DNAAF4: variants seen among roughly 807,000 people sequenced by gnomAD.
DNAAF4 encodes dynein assembly factor 4, axonemal.
DNAAF4 carries 43 observed loss-of-function variants against 51.8 expected under a neutral mutation model. The observed-to-expected ratio is 0.83, with a 90% CI of 0.65 to 1.07. The LOEUF is 1.07. Ranked by LOEUF, DNAAF4 falls within the 50% of genes least tolerant of loss-of-function variation. The pLI is 0.00. For missense variants in DNAAF4, 581 were observed against 493.0 expected (o/e 1.18, Z -1.69); for synonymous variants, 194 against 165.6 (o/e 1.17, Z -1.32).
chr15:55,502,043 C>G (rs1056779008), intron 1 of DNAAF4, among the ~76,000 whole-genome samples: 4 of 143,922 alleles, frequency 2.8e-5, no homozygotes, highest in African/African-American at 1.0e-4. Flanking sequence ...GACTCTGTCT[C>G]AAAAGAAAAA....
intron 8 of DNAAF4, among the ~76,000 whole-genome samples, chr15:55,433,755 TATAA>T (rs1321271312): frequency 1.6e-5 from 2 of 121,214 alleles, no homozygotes; most frequent in African/African-American, 3.1e-5. Context: ...GTTTTTTATA[TATAA>T]ATATATATAA....
intron 4 of DNAAF4, among the ~76,000 whole-genome samples, chr15:55,478,915 A>G (rs148275644): frequency 1.3e-5 from 2 of 152,204 alleles, no homozygotes; most frequent in East Asian, 1.9e-4. Context: ...AATATCTTCA[A>G]TGCAACCACC....
intron 7 of DNAAF4, among the ~76,000 whole-genome samples, chr15:55,421,983 T>TAA (rs1402050113): frequency 1.3e-5 from 2 of 150,560 alleles, no homozygotes; most frequent in Non-Finnish European, 3.0e-5. Context: ...AAGCTAGTCC[T>TAA]AATGGAGTTT....
intron 6 of DNAAF4, among the ~76,000 whole-genome samples, chr15:55,441,851 A>C (rs1314969747): frequency 6.6e-6 from 1 of 152,104 alleles, no homozygotes; most frequent in Non-Finnish European, 1.5e-5. Flanking sequence ...CAGACAACAG[A>C]TTTGAGGTAT....
chr15:55,449,658 C>T (rs191080922), intron 6 of DNAAF4, among the ~76,000 whole-genome samples: 6 of 149,578 alleles, frequency 4.0e-5, no homozygotes, highest in African/African-American at 1.5e-4. Context: ...AGAGCAAAAA[C>T]TCCATCTCTA....
downstream of DNAAF4, among the ~76,000 whole-genome samples, chr15:55,428,326 G>T (rs891337466): frequency 1.3e-5 from 2 of 152,016 alleles, no homozygotes; most frequent in African/African-American, 4.8e-5. Context: ...CAAGAAGGAG[G>T]TCGGCTTTGG....
chr15:55,425,561 A>G (rs751721742), downstream of DNAAF4, among the ~76,000 whole-genome samples: 11 of 128,818 alleles, frequency 8.5e-5, no homozygotes, highest in African/African-American at 2.3e-4. Context: ...TTTCCTTATT[A>G]TAAGTTACTG....
chr15:55,479,023 A>AG (rs2058372949), intron 4 of DNAAF4, among the ~76,000 whole-genome samples: 1 of 151,928 alleles, frequency 6.6e-6, no homozygotes, highest in Non-Finnish European at 1.5e-5. Context: ...AACCACCCTT[A>AG]GTTAAGGCTA....
At chr15:55,505,685 G>A (rs1480775642) in intron 1 of DNAAF4, among the ~76,000 whole-genome samples, 3 of 151,676 alleles carry the variant, frequency 2.0e-5, no homozygotes, top group Non-Finnish European at 2.9e-5. Flanking sequence ...CAAACACCAC[G>A]TGTTCTCACT....
intron 3 of DNAAF4, among the ~76,000 whole-genome samples, chr15:55,493,776 T>C (rs2058603983): frequency 6.6e-6 from 1 of 152,146 alleles, no homozygotes; most frequent in South Asian, 2.1e-4. Flanking sequence ...TGAGCATGGC[T>C]TACTGCAGCC....
In DNAAF4 at chr15:55,476,248, G is replaced by A. The variant is rs145524492; in HGVS notation, c.406-9087C>T. On this transcript the variant is annotated intron_variant, in intron 4 of 9. Coordinates refer to ENST00000321149, the MANE Select transcript of DNAAF4 (RefSeq NM_130810.4). ...TTTGGGATGCCAAGCCAGGAGGATCGCTTGAAGCCAGGAGTTCAAGACCAT... is the reference window on the plus strand; with the variant it reads ...TTTGGGATGCCAAGCCAGGAGGATCACTTGAAGCCAGGAGTTCAAGACCAT... Among the ~76,000 whole-genome samples, 82 of 152,136 alleles carry A rather than the reference G, an allele frequency of 5.4e-4. 1 individual carries two copies. In the East Asian group the frequency reaches 0.015, roughly 29 times the overall value.
chr15:55,498,302 A>C lies in DNAAF4; in HGVS notation c.28T>G (p.Trp10Gly), dbSNP rs781597904. 6 of 1,612,874 alleles carry C rather than the reference A, an allele frequency of 3.7e-6. No individual in the cohort carries two copies. Among genetic ancestry groups the C allele is most frequent in the Non-Finnish European group, 5.1e-6 (6 of 1,179,394 alleles). The stretch of plus-strand genomic sequence containing the variant: ...AAGACCGCAGTCTTCGTCTGCTGCC[A>C]GCTGTAATCGCTAACCTGAAGAGGC... Reference protein sequence around the residue: MPLQVSDYSWQQTKTAVFLS... With the variant: MPLQVSDYSGQQTKTAVFLS... The change falls in exon 2 of 10, where the codon TGG (tryptophan) becomes GGG (glycine). Residue 10 changes from tryptophan to glycine, a missense_variant. Coordinates refer to ENST00000321149, the MANE Select transcript of DNAAF4 (RefSeq NM_130810.4).
chr15:55,450,208 G>C lies in DNAAF4; in HGVS notation c.783+14C>G. On this transcript the variant is annotated intron_variant, in intron 6 of 9. Coordinates refer to ENST00000321149, the MANE Select transcript of DNAAF4 (RefSeq NM_130810.4). The stretch of plus-strand genomic sequence containing the variant: ...TTCATTTGTGGTAATTGTAACTAGA[G>C]TAAGTATATATACCTCCTCCTCTTC... The C allele has an allele frequency of 6.3e-7, 1 of 1,581,722 alleles. No homozygotes were observed. Among genetic ancestry groups the C allele is most frequent in the Non-Finnish European group, 8.6e-7 (1 of 1,168,170 alleles).
chr15:55,467,899 T>C (rs921105012), intron 4 of DNAAF4, among the ~76,000 whole-genome samples: 5 of 151,270 alleles, frequency 3.3e-5, no homozygotes, highest in African/African-American at 4.8e-5. Context: ...AAAAAAACCT[T>C]GTGAAACAGA....
chr15:55,487,299 T>C (rs960708881), intron 4 of DNAAF4, among the ~76,000 whole-genome samples: 3 of 152,138 alleles, frequency 2.0e-5, no homozygotes, highest in African/African-American at 7.2e-5. Flanking sequence ...TAAAGGATTG[T>C]AAACGCGCCA....
chr15:55,439,836 C>G (rs931249335), intron 6 of DNAAF4, among the ~76,000 whole-genome samples: 1 of 151,994 alleles, frequency 6.6e-6, no homozygotes, highest in Non-Finnish European at 1.5e-5. Flanking sequence ...ACGAGTTTAT[C>G]CTTTTAAGAA....
At chr15:55,469,932 G>A (rs958969961) in intron 4 of DNAAF4, among the ~76,000 whole-genome samples, 5 of 152,064 alleles carry the variant, frequency 3.3e-5, no homozygotes, top group African/African-American at 9.7e-5. Flanking sequence ...CATAAGTCCA[G>A]GACTCCCATA....
intron 1 of DNAAF4, among the ~76,000 whole-genome samples, chr15:55,507,905 G>C (rs2058734893): frequency 6.6e-6 from 1 of 152,076 alleles, no homozygotes; most frequent in African/African-American, 2.4e-5. Flanking sequence ...CTCAGAATGT[G>C]GTCCTCCCCA....
chr15:55,430,390 T>C lies in DNAAF4; in HGVS notation c.*280A>G. 2 of 999,656 alleles carry C rather than the reference T, an allele frequency of 2.0e-6. No individual in the cohort carries two copies. The highest frequency in any genetic ancestry group is 1.2e-6 in the Non-Finnish European group (1 of 838,180). 61.9% of individuals were successfully genotyped at this position (999,656 alleles called of 1,614,324 possible). On this transcript the variant is annotated 3_prime_UTR_variant, in exon 10 of 10. Transcript: ENST00000321149. ...TCCTGGTAACTATACCAAAACATATTTTGTTACAAGGGCAAGCTTAATTCA... is the reference window on the plus strand; with the variant it reads ...TCCTGGTAACTATACCAAAACATATCTTGTTACAAGGGCAAGCTTAATTCA...
Sources: gnomAD v4.1 joint callset for allele counts (sites outside exome capture counted in the v4.1 genomes callset) on GRCh38, gnomAD v4.1.1 for gene constraint, MANE v1.5 for transcripts, NCBI Gene and HGNC (gene_info 2026-07-23, HGNC 2026-07-21) for gene names.